The following CYP39A1 variants were observed in gnomAD, a reference collection of about 807,000 sequenced individuals.
The protein encoded by CYP39A1 is cytochrome P450 family 39 subfamily A member 1.
In CYP39A1, 49 loss-of-function variants were observed where a neutral mutation model predicts 58.1. The ratio of observed to expected loss-of-function variants is 0.84; its 90% confidence interval spans 0.67 to 1.07. The LOEUF (loss-of-function observed/expected upper bound fraction) is 1.07. Among genes scored for constraint, CYP39A1 ranks in the 50% least tolerant of loss-of-function variants. The pLI, the probability that CYP39A1 is intolerant of heterozygous loss-of-function variation, is 0.00. For missense variants in CYP39A1, 531 were observed against 539.4 expected (o/e 0.98, Z 0.16); for synonymous variants, 209 against 187.6 (o/e 1.11, Z -0.93).
chr6:46,585,368 C>T (rs1582337119), intron 10 of CYP39A1, among the ~76,000 whole-genome samples: 1 of 151,262 alleles, frequency 6.6e-6, no homozygotes, highest in Admixed American at 6.6e-5. Flanking sequence ...GATAGACAGA[C>T]AGATAGCTAG....
intron 10 of CYP39A1, among the ~76,000 whole-genome samples, chr6:46,579,181 C>T (rs906006124): frequency 1.3e-5 from 2 of 151,892 alleles, no homozygotes; most frequent in Non-Finnish European, 2.9e-5. Flanking sequence ...CTTTATTTAC[C>T]TTGGATACAA....
chr6:46,640,548 C>T, intron 2 of CYP39A1, among the ~76,000 whole-genome samples: 1 of 152,070 alleles, frequency 6.6e-6, no homozygotes, highest in East Asian at 1.9e-4. Context: ...TTATTGTTTA[C>T]TCATTTCTTT....
intron 10 of CYP39A1, among the ~76,000 whole-genome samples, chr6:46,580,709 A>T (rs1031061541): frequency 6.6e-6 from 1 of 152,114 alleles, no homozygotes; most frequent in Non-Finnish European, 1.5e-5. Context: ...GACATTTCTC[A>T]AAAAAAGAAA....
At chr6:46,561,026 A>C (rs1770943525) in intron 10 of CYP39A1, among the ~76,000 whole-genome samples, 2 of 152,206 alleles carry the variant, frequency 1.3e-5, no homozygotes, top group Admixed American at 6.5e-5. Flanking sequence ...TAAAGTAACC[A>C]CTTCTTTTCA....
intron 10 of CYP39A1, chr6:46,583,416 T>C (rs1772264422): frequency 1.0e-6 from 1 of 985,382 alleles, no homozygotes; most frequent in Non-Finnish European, 1.2e-6. Flanking sequence ...TCAGAGGTGC[T>C]CACTCAAAGA....
intron 8 of CYP39A1, among the ~76,000 whole-genome samples, chr6:46,592,525 C>T (rs1316959459): frequency 6.6e-6 from 1 of 152,124 alleles, no homozygotes; most frequent in Non-Finnish European, 1.5e-5. Context: ...TTCATCTTCA[C>T]ACTGTTTATA....
At chr6:46,602,143 AATGAATGG>A (rs1773546437) in intron 7 of CYP39A1, among the ~76,000 whole-genome samples, 1 of 152,112 alleles carries the variant, frequency 6.6e-6, no homozygotes, top group Non-Finnish European at 1.5e-5. Context: ...TTATTGAATA[AATGAATGG>A]ATGGATGGAT....
intron 7 of CYP39A1, among the ~76,000 whole-genome samples, chr6:46,605,694 A>G (rs1773804690): frequency 6.6e-6 from 1 of 152,202 alleles, no homozygotes; most frequent in Non-Finnish European, 1.5e-5. Context: ...AAAGATAATT[A>G]GAAACCTGAG....
chr6:46,601,267 C>T (rs1773480553), intron 7 of CYP39A1, among the ~76,000 whole-genome samples: 1 of 152,178 alleles, frequency 6.6e-6, no homozygotes, highest in Non-Finnish European at 1.5e-5. Context: ...ATTGCTACCA[C>T]TCTTGTCCAA....
intron 7 of CYP39A1, among the ~76,000 whole-genome samples, chr6:46,616,021 C>G (rs1243914285): frequency 8.6e-6 from 1 of 116,922 alleles, no homozygotes; most frequent in Non-Finnish European, 1.8e-5. Flanking sequence ...CTCCCTCCCC[C>G]TCCCTCCCTC....
intron 7 of CYP39A1, among the ~76,000 whole-genome samples, chr6:46,624,232 G>C (rs988762218): frequency 1.3e-5 from 2 of 152,024 alleles, no homozygotes; most frequent in African/African-American, 2.4e-5. Context: ...CCCTAAGTCA[G>C]GAAAAGACTC....
intron 4 of CYP39A1, among the ~76,000 whole-genome samples, 159 bp downstream of exon 4, chr6:46,637,670 C>T (rs1252375725): frequency 1.3e-5 from 2 of 152,136 alleles, no homozygotes; most frequent in African/African-American, 2.4e-5. Flanking sequence ...CTTGGTCCTC[C>T]TTCAATTCAC....
chr6:46,577,255 T>A (rs1771890497), intron 10 of CYP39A1, among the ~76,000 whole-genome samples: 1 of 152,186 alleles, frequency 6.6e-6, no homozygotes, highest in African/African-American at 2.4e-5. Flanking sequence ...CCACTAGACC[T>A]GCCTTACAAG....
At chr6:46,568,765 A>G (rs895575337) in intron 10 of CYP39A1, among the ~76,000 whole-genome samples, 2 of 152,032 alleles carry the variant, frequency 1.3e-5, no homozygotes, top group Non-Finnish European at 2.9e-5. Flanking sequence ...TCTTTATGTC[A>G]ACAGCACACT....
intron 5 of CYP39A1, among the ~76,000 whole-genome samples, chr6:46,634,946 A>G (rs1303580269): frequency 2.0e-5 from 3 of 152,322 alleles, no homozygotes; most frequent in African/African-American, 7.2e-5. Context: ...AATAATGCAA[A>G]GAACATGTGT....
chr6:46,612,605 C>T (rs956460355), intron 7 of CYP39A1, among the ~76,000 whole-genome samples: 44 of 152,128 alleles, frequency 2.9e-4, no homozygotes, highest in Admixed American at 1.1e-3. Context: ...GTAAATGAGG[C>T]TATGTGAGAA....
At chr6:46,642,121 C>T (rs1434010144) in intron 2 of CYP39A1, 42 bp downstream of exon 2, 1 of 1,605,340 alleles carries the variant, frequency 6.2e-7, no homozygotes, top group Non-Finnish European at 8.5e-7. Flanking sequence ...TCCTGGATTC[C>T]AATGTTGGAT....
intron 11 of CYP39A1, among the ~76,000 whole-genome samples, chr6:46,551,265 G>A (rs2150473943): frequency 6.7e-6 from 1 of 149,124 alleles, no homozygotes; most frequent in East Asian, 2.0e-4. Context: ...CACTGAAATT[G>A]CATCCACAAC....
chr6:46,642,839 T>C (rs900883157), intron 1 of CYP39A1, among the ~76,000 whole-genome samples: 2 of 152,196 alleles, frequency 1.3e-5, no homozygotes, highest in Non-Finnish European at 2.9e-5. Flanking sequence ...GTCCCTGCCT[T>C]GTAACTCACT....
Sources: allele counts gnomAD v4.1 joint callset (sites outside exome capture counted in the v4.1 genomes callset), GRCh38; gene constraint gnomAD v4.1.1; transcripts MANE v1.5; gene names NCBI Gene and HGNC (gene_info 2026-07-23, HGNC 2026-07-21).